HPSE2: variants seen among roughly 807,000 people sequenced by gnomAD.
The protein encoded by HPSE2 is inactive heparanase-2.
Under a neutral mutation model 60.5 loss-of-function variants are expected in HPSE2, and 38 were observed. The ratio of observed to expected loss-of-function variants is 0.63; its 90% confidence interval spans 0.48 to 0.82. The LOEUF is 0.82. HPSE2 is among the 40% of genes least tolerant of loss of function. HPSE2 has a pLI of 0.00. For synonymous variants in HPSE2, 295 were observed against 293.2 expected (o/e 1.01, Z -0.06); for missense variants, 713 against 740.4 (o/e 0.96, Z 0.43).
intron 3 of HPSE2, among the ~76,000 whole-genome samples, chr10:99,015,674 G>C (rs557715420): frequency 3.3e-5 from 5 of 152,080 alleles, no homozygotes; most frequent in South Asian, 2.1e-4. Context: ...GTTGTGGGGT[G>C]GGGGGAGAGG....
chr10:98,863,494 T>C (rs1337460577), intron 3 of HPSE2, among the ~76,000 whole-genome samples: 4 of 152,154 alleles, frequency 2.6e-5, no homozygotes, highest in Admixed American at 1.3e-4. Context: ...TGCACTGTGA[T>C]TTCTTGGCTC....
At chr10:99,305,969 G>GCACACACACACACACACA in the HPSE2 span, among the ~76,000 whole-genome samples, 18 of 50,920 alleles carry the variant, frequency 3.5e-4, no homozygotes, top group South Asian at 5.8e-4. Flanking sequence ...ACACGCGCGC[G>GCACACACACACACACACA]CGCGCGCGCG....
chr10:98,578,822 T>G (rs926852310), intron 9 of HPSE2, among the ~76,000 whole-genome samples: 1 of 152,140 alleles, frequency 6.6e-6, no homozygotes, highest in African/African-American at 2.4e-5. Flanking sequence ...TTCTCTTTCT[T>G]CTTCAGATGC....
the HPSE2 span, among the ~76,000 whole-genome samples, chr10:99,262,980 G>A: frequency 6.6e-6 from 1 of 152,168 alleles, no homozygotes; most frequent in African/African-American, 2.4e-5. Flanking sequence ...GTGGGGCTGT[G>A]TGGTCGGAAT....
chr10:99,096,323 A>G (rs1843716913), intron 3 of HPSE2, among the ~76,000 whole-genome samples: 1 of 152,222 alleles, frequency 6.6e-6, no homozygotes, highest in Non-Finnish European at 1.5e-5. Flanking sequence ...AACAATGAAA[A>G]TAACAGTATT....
At chr10:98,651,890 G>T (rs893042241) in intron 6 of HPSE2, among the ~76,000 whole-genome samples, 7 of 151,608 alleles carry the variant, frequency 4.6e-5, no homozygotes, top group Admixed American at 2.0e-4. Flanking sequence ...CTCTGCCTCA[G>T]CCTCCCGAGT....
At chr10:99,257,554 T>G in the HPSE2 span, among the ~76,000 whole-genome samples, 31 of 152,298 alleles carry the variant, frequency 2.0e-4, no homozygotes, top group African/African-American at 6.7e-4. Context: ...CTAATAAATT[T>G]TGGTCAGACC....
At chr10:98,951,449 T>A (rs1473047237) in intron 3 of HPSE2, among the ~76,000 whole-genome samples, 1 of 152,098 alleles carries the variant, frequency 6.6e-6, no homozygotes, top group Non-Finnish European at 1.5e-5. Context: ...AAGAAAAGGG[T>A]CTGCTTTGGA....
At chr10:98,466,108 A>G (rs1304349304) in intron 11 of HPSE2, among the ~76,000 whole-genome samples, 1 of 152,172 alleles carries the variant, frequency 6.6e-6, no homozygotes, top group Middle Eastern at 3.2e-3. Flanking sequence ...TATTTAAGCA[A>G]GGTTTCAACT....
intron 2 of HPSE2, among the ~76,000 whole-genome samples, chr10:99,181,227 T>C (rs1435711469): frequency 6.7e-6 from 1 of 148,942 alleles, no homozygotes; most frequent in Admixed American, 6.7e-5. Context: ...TGAAACCCCG[T>C]CTCTACTAAA....
the HPSE2 span, among the ~76,000 whole-genome samples, chr10:99,262,985 C>T: frequency 1.3e-5 from 2 of 152,130 alleles, no homozygotes; most frequent in African/African-American, 2.4e-5. Context: ...GCTGTGTGGT[C>T]GGAATTCTTA....
intron 9 of HPSE2, among the ~76,000 whole-genome samples, chr10:98,558,982 C>A (rs1346226786): frequency 6.6e-6 from 1 of 152,130 alleles, no homozygotes; most frequent in African/African-American, 2.4e-5. Context: ...TCTAGCCTTT[C>A]TAGGCATCTG....
chr10:98,729,910 A>T (rs1565117912), intron 4 of HPSE2, among the ~76,000 whole-genome samples: 1 of 152,130 alleles, frequency 6.6e-6, no homozygotes, highest in Non-Finnish European at 1.5e-5. Context: ...AGACTTCAAC[A>T]CTACATTCTT....
chr10:98,918,571 T>C (rs915293555), intron 3 of HPSE2, among the ~76,000 whole-genome samples: 15 of 148,708 alleles, frequency 1.0e-4, no homozygotes, highest in Non-Finnish European at 3.0e-5. Context: ...CAGTAAACTA[T>C]CGCAAGGACA....
the HPSE2 span, among the ~76,000 whole-genome samples, chr10:99,287,991 G>A: frequency 6.6e-6 from 1 of 152,228 alleles, no homozygotes; most frequent in Non-Finnish European, 1.5e-5. Context: ...TGTAGCTAAA[G>A]GGGTTAGGTC....
At chr10:99,295,178 T>C in the HPSE2 span, among the ~76,000 whole-genome samples, 1 of 151,986 alleles carries the variant, frequency 6.6e-6, no homozygotes, top group African/African-American at 2.4e-5. Context: ...GGTTTTCATG[T>C]GTTGACTCAT....
At chr10:98,809,768 C>T (rs187648190) in intron 3 of HPSE2, among the ~76,000 whole-genome samples, 1 of 152,240 alleles carries the variant, frequency 6.6e-6, no homozygotes, top group East Asian at 1.9e-4. Flanking sequence ...TAAAAGTATA[C>T]ATCTATGCTT....
rs1012858827 is a variant in HPSE2, at chr10:98,724,463, T to C, written c.785-2635A>G. Among the ~76,000 whole-genome samples the C allele has an allele frequency of 5.8e-4, 89 of 152,330 alleles. 1 individual carries two copies. Among genetic ancestry groups the C allele is most frequent in the African/African-American group, 2.1e-3 (86 of 41,576 alleles). ...TCTGTTGATTTGGGGTGCAGAGTTC[T>C]GTAGATGTCTATTAGGTCCACTTGG... On this transcript the variant is annotated intron_variant, in intron 4 of 11. Transcript: ENST00000370552.
the HPSE2 span, among the ~76,000 whole-genome samples, chr10:99,297,528 T>C: frequency 6.6e-5 from 10 of 152,262 alleles, no homozygotes; most frequent in Admixed American, 3.3e-4. Context: ...CCCACTCCTT[T>C]GTCTTCTGAC....
Sources: allele counts gnomAD v4.1 joint callset (sites outside exome capture counted in the v4.1 genomes callset), GRCh38; gene constraint gnomAD v4.1.1; transcripts MANE v1.5; gene names NCBI Gene and HGNC (gene_info 2026-07-23, HGNC 2026-07-21).